The following RABGAP1 variants were observed in gnomAD, a reference collection of about 807,000 sequenced individuals.
RABGAP1 encodes the protein RAB GTPase activating protein 1.
Under a neutral mutation model 137.6 loss-of-function variants are expected in RABGAP1, and 23 were observed. The ratio of observed to expected loss-of-function variants is 0.17; its 90% CI spans 0.12 to 0.24. RABGAP1 has a LOEUF of 0.24. Among genes scored for constraint, RABGAP1 ranks in the 10% least tolerant of loss-of-function variants. RABGAP1 has a pLI of 1.00. For synonymous variants in RABGAP1, 451 were observed against 450.7 expected (o/e 1.00, Z -0.01); for missense variants, 906 against 1,275.8 (o/e 0.71, Z 4.42).
At chr9:123,094,701 C>T (rs1039425489) in intron 21 of RABGAP1, among the ~76,000 whole-genome samples, 2 of 152,070 alleles carry the variant, frequency 1.3e-5, no homozygotes, top group Admixed American at 1.3e-4. Flanking sequence ...TTCTTGAGGA[C>T]TTTGTATATG....
At chr9:123,011,752 C>T (rs1447239366) in intron 11 of RABGAP1, among the ~76,000 whole-genome samples, 1 of 151,972 alleles carries the variant, frequency 6.6e-6, no homozygotes, top group Non-Finnish European at 1.5e-5. Context: ...GTCAGGAGTT[C>T]GAGACTAGTC....
At chr9:123,086,234 T>G (rs2034860787) in intron 19 of RABGAP1, among the ~76,000 whole-genome samples, 1 of 152,216 alleles carries the variant, frequency 6.6e-6, no homozygotes, top group Non-Finnish European at 1.5e-5. Context: ...GGTATGAGGT[T>G]GTCCAGGCAG....
intron 13 of RABGAP1, among the ~76,000 whole-genome samples, chr9:123,056,625 C>T (rs565578672): frequency 7.2e-4 from 109 of 151,376 alleles, no homozygotes; most frequent in Non-Finnish European, 1.0e-3. Flanking sequence ...GAGGACCCTG[C>T]GGCCTTCCGC....
intron 1 of RABGAP1, among the ~76,000 whole-genome samples, chr9:122,956,649 C>CAA (rs10661742): frequency 0.14 from 17,260 of 121,002 alleles, 2,629 homozygotes; most frequent in African/African-American, 0.37. Context: ...GACTCCGTCT[C>CAA]AAAAAAAAAA....
chr9:123,057,155 GACCCCC>G (rs1336579755), intron 13 of RABGAP1, among the ~76,000 whole-genome samples: 1 of 149,606 alleles, frequency 6.7e-6, no homozygotes, highest in Non-Finnish European at 1.5e-5. Context: ...GGCGGGGGCT[GACCCCC>G]ACCTCCCTCC....
chr9:122,987,136 C>T (rs563817239), intron 4 of RABGAP1, among the ~76,000 whole-genome samples: 22 of 151,352 alleles, frequency 1.5e-4, no homozygotes, highest in African/African-American at 5.1e-4. Context: ...GACCCTGTCT[C>T]AACAAAGCAA....
intron 10 of RABGAP1, among the ~76,000 whole-genome samples, chr9:123,003,956 A>G (rs1418658206): frequency 6.6e-6 from 1 of 152,254 alleles, no homozygotes; most frequent in Non-Finnish European, 1.5e-5. Flanking sequence ...AGAAGCTGAT[A>G]TCTGAAAGAC....
chr9:122,974,507 T>C (rs1835663703), intron 2 of RABGAP1, among the ~76,000 whole-genome samples: 1 of 145,230 alleles, frequency 6.9e-6, no homozygotes, highest in Admixed American at 7.2e-5. Flanking sequence ...AACCCAGCCA[T>C]GGCCATGTGC....
rs1554734427 is a variant in RABGAP1 at position 123,103,999 on chromosome 9, G to GTGTATGTA, written c.*787_*788insGTATGTAT. On this transcript the variant is annotated 3_prime_UTR_variant, in exon 26 of 26. Transcript: ENST00000373647. ...TGTGTGTGTGTGTGTGTGTGTGTAT[G>GTGTATGTA]TATATATATATATAAATATCTTTCC... 4 of 120,176 alleles carry GTGTATGTA rather than the reference G, an allele frequency of 3.3e-5. No individual in the cohort carries two copies. The East Asian group carries it at 6.4e-4, about 19-fold the overall frequency. 7.4% of individuals were successfully genotyped at this position (120,176 alleles called of 1,614,324 possible). A position where few individuals can be genotyped will look rare whatever the true frequency, so the allele number is the denominator to read the frequency against.
At chr9:123,038,852 C>T (rs2032807312) in intron 13 of RABGAP1, among the ~76,000 whole-genome samples, 1 of 151,780 alleles carries the variant, frequency 6.6e-6, no homozygotes. Context: ...ATTTGCATGA[C>T]AAAAGGGCAT....
chr9:123,036,304 GC>G (rs1268550153), intron 13 of RABGAP1, among the ~76,000 whole-genome samples: 1 of 152,198 alleles, frequency 6.6e-6, no homozygotes, highest in Non-Finnish European at 1.5e-5. Context: ...TACTTTTTGT[GC>G]CATGCTTCAC....
intron 2 of RABGAP1, among the ~76,000 whole-genome samples, chr9:122,983,975 TCATGTAACTCTTC>T (rs1448372782): frequency 2.0e-5 from 3 of 152,230 alleles, no homozygotes; most frequent in Admixed American, 2.0e-4. Context: ...CCTGTTCATA[TCATGTAACTCTTC>T]CTCAGAAATA....
chr9:123,097,763 T>G lies in RABGAP1; in HGVS notation c.2651T>G (p.Leu884Arg). 6.2e-7 allele frequency: 1 copy of G among 1,610,956 alleles called. No individual in the cohort carries two copies. The highest frequency in any genetic ancestry group is 1.1e-5 in the South Asian group (1 of 90,282). The change falls in exon 22 of 26, where the codon CTG becomes CGG. Residue 884 changes from leucine to arginine, a missense_variant. Coordinates refer to ENST00000373647, the MANE Select transcript of RABGAP1 (RefSeq NM_012197.4). Reference sequence around the variant, plus strand: ...CAGGCTGAGGAAAAGGCAGATGCTCTGAATAAGGAGCTGCTGATGACCAAA... The same window carrying G: ...CAGGCTGAGGAAAAGGCAGATGCTCGGAATAAGGAGCTGCTGATGACCAAA... ...LDNAEEKADA[L>R]NKELLMTKQK...
At chr9:123,014,405 A>C (rs1429114993) in intron 11 of RABGAP1, among the ~76,000 whole-genome samples, 1 of 152,212 alleles carries the variant, frequency 6.6e-6, no homozygotes, top group Non-Finnish European at 1.5e-5. Context: ...GAAAGTCATA[A>C]AAACATAAAA....
chr9:123,019,637 T>A (rs953849293), intron 12 of RABGAP1, among the ~76,000 whole-genome samples: 8 of 152,050 alleles, frequency 5.3e-5, no homozygotes, highest in Admixed American at 2.0e-4. Flanking sequence ...GATGTAGAGC[T>A]AGGTTCTTGT....
chr9:122,960,502 A>G (rs1834796397), intron 2 of RABGAP1, among the ~76,000 whole-genome samples: 1 of 152,226 alleles, frequency 6.6e-6, no homozygotes, highest in South Asian at 2.1e-4. Flanking sequence ...AAAATCAACT[A>G]GCCAGTCACC....
At chr9:123,066,344 A>G (rs2034171680) in intron 14 of RABGAP1, among the ~76,000 whole-genome samples, 1 of 152,156 alleles carries the variant, frequency 6.6e-6, no homozygotes, top group African/African-American at 2.4e-5. Flanking sequence ...GCCCCTTCTC[A>G]GTTTTATTTC....
At chr9:123,073,815 A>G in intron 16 of RABGAP1, 138 bp downstream of exon 16, 1 of 1,174,824 alleles carries the variant, frequency 8.5e-7, no homozygotes, top group Non-Finnish European at 1.2e-6. Context: ...TTTATCCTTT[A>G]TCACTATGTG....
At chr9:123,029,317 A>T (rs1588296643) in intron 13 of RABGAP1, 6 of 548,020 alleles carry the variant, frequency 1.1e-5, no homozygotes, top group East Asian at 9.8e-5. Context: ...TTTAAAGCTC[A>T]TTTTTTTTTT....
Sources: gnomAD v4.1 joint callset for allele counts (sites outside exome capture counted in the v4.1 genomes callset) on GRCh38, gnomAD v4.1.1 for gene constraint, MANE v1.5 for transcripts, NCBI Gene and HGNC (gene_info 2026-07-23, HGNC 2026-07-21) for gene names.